Variants in SLC40A1 observed in about 807,000 individuals in gnomAD.
SLC40A1 encodes the protein solute carrier family 40 member 1.
SLC40A1 carries 16 observed loss-of-function variants against 53.5 expected under a neutral mutation model. The observed-to-expected ratio is 0.30, with a 90% CI of 0.20 to 0.45. The LOEUF (loss-of-function observed/expected upper bound fraction) is 0.45. Ranked by LOEUF, SLC40A1 falls within the 20% of genes least tolerant of loss-of-function variation. The pLI, the probability that SLC40A1 is intolerant of heterozygous loss-of-function variation, is 1.00. For synonymous variants in SLC40A1, 247 were observed against 253.2 expected (o/e 0.98, Z 0.23); for missense variants, 545 against 695.4 (o/e 0.78, Z 2.43).
chr2:189,569,431 G>A lies in SLC40A1; in HGVS notation c.514+2284C>T, dbSNP rs551696614. Among the ~76,000 whole-genome samples the A allele has an allele frequency of 6.0e-4, 92 of 152,348 alleles. 2 individuals carry two copies. In the South Asian group the frequency reaches 0.017, roughly 28 times the overall value. The stretch of plus-strand genomic sequence containing the variant: ...CTTCCTGCCTGGAGTAGGTGGGTCT[G>A]TGTATAAGAGACACAACCTCATAGG... On this transcript the variant is annotated intron_variant, in intron 5 of 7. Coordinates refer to ENST00000261024, the MANE Select transcript of SLC40A1 (RefSeq NM_014585.6).
At chr2:189,570,137 T>C (rs2031082739) in intron 5 of SLC40A1, among the ~76,000 whole-genome samples, 1 of 151,616 alleles carries the variant, frequency 6.6e-6, no homozygotes, top group African/African-American at 2.4e-5. Context: ...TGTGTATATA[T>C]ATATCTTAGG....
chr2:189,562,869 T>C (rs2030798500), intron 7 of SLC40A1, among the ~76,000 whole-genome samples: 1 of 152,162 alleles, frequency 6.6e-6, no homozygotes, highest in African/African-American at 2.4e-5. Flanking sequence ...TGAAGGATTT[T>C]TTTTATCACT....
intron 3 of SLC40A1, 41 bp from the exon 4 acceptor site, chr2:189,573,002 G>T: frequency 7.7e-7 from 1 of 1,299,640 alleles, no homozygotes; most frequent in Non-Finnish European, 1.1e-6. Flanking sequence ...ACATCAAAAT[G>T]TCTCAGTGAG....
rs2030752271 is a variant in SLC40A1, at chr2:189,561,933, C to T, written c.1661G>A (p.Gly554Asp). 1 of 1,614,108 alleles carries T rather than the reference C, an allele frequency of 6.2e-7. No individual in the cohort carries two copies. The highest frequency in any genetic ancestry group is 8.5e-7 in the Non-Finnish European group (1 of 1,180,008). ...NTLGNKLFACGPDAKEVRKEN... is the reference protein window; with the variant it reads ...NTLGNKLFACDPDAKEVRKEN... ...CTTCCTAACTTCTTTTGCATCAGGA[C>T]CGCAAGCAAAGAGCTTGTTTCCCAG... Residue 554 changes from glycine to aspartate, a missense_variant, in exon 8 of 8, where the codon GGT becomes GAT. Around this residue, in one of 4 missense-constraint regions of SLC40A1, gnomAD observed 234 missense variants for 299.0 expected, o/e 0.78. Transcript: ENST00000261024.
At chr2:189,574,467 C>T (rs188858393) in intron 3 of SLC40A1, among the ~76,000 whole-genome samples, 8 of 152,260 alleles carry the variant, frequency 5.3e-5, no homozygotes, top group Admixed American at 5.2e-4. Context: ...TTGCCAACAT[C>T]TAAGTCAGGC....
intron 2 of SLC40A1, among the ~76,000 whole-genome samples, 155 bp downstream of exon 2, chr2:189,579,658 G>C (rs973934856): frequency 6.6e-6 from 1 of 152,270 alleles, no homozygotes; most frequent in East Asian, 1.9e-4. Context: ...AAAGATCTTC[G>C]ATGTAAATAA....
chr2:189,568,580 T>C (rs1410103592), intron 5 of SLC40A1, among the ~76,000 whole-genome samples: 3 of 152,370 alleles, frequency 2.0e-5, no homozygotes, highest in South Asian at 2.1e-4. Flanking sequence ...TACCAATTTA[T>C]ATTTAGTCTT....
intron 6 of SLC40A1, among the ~76,000 whole-genome samples, chr2:189,564,554 G>A (rs148707355): frequency 2.0e-4 from 30 of 151,988 alleles, no homozygotes; most frequent in East Asian, 7.8e-4. Flanking sequence ...AAAACACAGC[G>A]TATTGGCCAG....
In SLC40A1 at chr2:189,563,685, T is replaced by C. The variant is rs754545527; in HGVS notation, c.1301A>G (p.Asn434Ser). ...PEITTEIYMS[N>S]GSNSANIVPE... ...GACAATATTAGCAGAATTAGACCCA[T>C]TAGACATGTATATTTCAGTTGTAAT... The change falls in exon 7 of 8, where the codon AAT (asparagine) becomes AGT (serine). Residue 434 changes from asparagine to serine, a missense_variant. Transcript: ENST00000261024. 2 of 1,614,062 alleles carry C rather than the reference T, an allele frequency of 1.2e-6. No individual in the cohort carries two copies. The highest frequency in any genetic ancestry group is 2.2e-5 in the South Asian group (2 of 91,086).
rs2105618382 is a variant in SLC40A1 at position 189,561,754 on chromosome 2, T to C, written c.*124A>G. 1 of 829,980 alleles carries C rather than the reference T, an allele frequency of 1.2e-6. No homozygotes were observed. Among genetic ancestry groups the C allele is most frequent in the Non-Finnish European group, 2.0e-6 (1 of 508,292 alleles). The allele number at this position is 829,980 out of a possible 1,614,324, so 51.4% of individuals were successfully genotyped here. Reference sequence around the variant, plus strand: ...TTAGGTTTCCTAAACAGCTTTTAGTTCTCAAGGCACAGCTGTGGTAAAAAC... The same window carrying C: ...TTAGGTTTCCTAAACAGCTTTTAGTCCTCAAGGCACAGCTGTGGTAAAAAC... On this transcript the variant is annotated 3_prime_UTR_variant, in exon 8 of 8. Transcript: ENST00000261024.
chr2:189,564,581 C>T (rs1363038682), intron 6 of SLC40A1, among the ~76,000 whole-genome samples: 4 of 152,104 alleles, frequency 2.6e-5, no homozygotes, highest in African/African-American at 7.2e-5. Flanking sequence ...TGGCTCACAC[C>T]TGTAATCCCA....
At position 189,580,728 on chromosome 2, in the gene SLC40A1, G is replaced by A; in HGVS notation, c.-268C>T. On this transcript the variant is annotated 5_prime_UTR_variant, in exon 1 of 8. Coordinates refer to ENST00000261024, the MANE Select transcript of SLC40A1 (RefSeq NM_014585.6). ...TTATGGAAGCGGTTTGGGAGGCTCA[G>A]CAGGTCGTCCGAGCCTAGCGGACGC... The A allele has an allele frequency of 7.3e-7, 1 of 1,374,552 alleles. No individual in the cohort carries two copies. The highest frequency in any genetic ancestry group is 9.4e-7 in the Non-Finnish European group (1 of 1,063,014). The allele number at this position is 1,374,552 out of a possible 1,614,324, so 85.1% of individuals were successfully genotyped here. A position where few individuals can be genotyped will look rare whatever the true frequency, so the allele number is the denominator to read the frequency against.
rs200982250 is a variant in SLC40A1 at position 189,562,097 on chromosome 2, C to T, written c.1497G>A (p.Met499Ile). 6.2e-7 allele frequency: 1 copy of T among 1,613,798 alleles called. No homozygotes were observed. The highest frequency in any genetic ancestry group is 2.2e-5 in the East Asian group (1 of 44,862). The change falls in exon 8 of 8, where the codon ATG becomes ATA. Residue 499 changes from methionine to isoleucine, a missense_variant. Transcript: ENST00000261024. ...RGIINGVQNS[M>I]NYLLDLLHFI... ...AATGCAGAAGATCAAGAAGATAGTT[C>T]ATGGAGTTCTGTACACCATTTATAA...
rs368420430 is a variant in SLC40A1 at position 189,564,177 on chromosome 2, T to G, written c.809A>C (p.Asp270Ala). 4 of 1,613,200 alleles carry G rather than the reference T, an allele frequency of 2.5e-6. No homozygotes were observed. In the Admixed American group the frequency reaches 6.7e-5, roughly 27 times the overall value. The change falls in exon 7 of 8, where the codon GAC (aspartate) becomes GCC (alanine). Residue 270 changes from aspartate (D) to alanine (A), a missense_variant. Asp to Ala is a moderately radical substitution (Grantham distance 126). Coordinates refer to ENST00000261024, the MANE Select transcript of SLC40A1 (RefSeq NM_014585.6). ...ATGTTCAAGCTCATGGATGTTAGAG[T>G]CTTTCACACCCATTAGATGAGTTCC... ...LEGTHLMGVK[D>A]SNIHELEHEQ...
intron 2 of SLC40A1, among the ~76,000 whole-genome samples, chr2:189,578,859 T>C (rs1218353373): frequency 2.0e-5 from 3 of 152,226 alleles, no homozygotes; most frequent in Non-Finnish European, 4.4e-5. Context: ...CTCAAAGGTA[T>C]TGGGTATAGA....
At chr2:189,577,615 C>CT (rs11419650) in intron 2 of SLC40A1, among the ~76,000 whole-genome samples, 89,259 of 133,440 alleles carry the variant, frequency 0.67, 30,148 homozygotes, top group East Asian at 0.89. Flanking sequence ...ATAGTATCCA[C>CT]TTTTTTTTTT....
intron 2 of SLC40A1, 77 bp downstream of exon 2, chr2:189,579,736 G>A: frequency 1.6e-6 from 2 of 1,275,624 alleles, no homozygotes; most frequent in Admixed American, 3.4e-5. Flanking sequence ...CTGGAAGTTG[G>A]CTTAATACAA....
At chr2:189,562,933 G>C (rs1284923395) in intron 7 of SLC40A1, among the ~76,000 whole-genome samples, 1 of 151,708 alleles carries the variant, frequency 6.6e-6, no homozygotes, top group African/African-American at 2.4e-5. Flanking sequence ...TGTCCTATGG[G>C]AATATTTTCT....
intron 2 of SLC40A1, chr2:189,578,187 C>T: frequency 1.0e-6 from 1 of 984,424 alleles, no homozygotes; most frequent in Non-Finnish European, 1.2e-6. Flanking sequence ...CAGAGTGCCA[C>T]ACAAGAGAAA....
Sources: gnomAD v4.1 joint callset for allele counts (sites outside exome capture counted in the v4.1 genomes callset) on GRCh38, gnomAD v4.1.1 for gene constraint, gnomAD v4.1.1 regional missense constraint, MANE v1.5 for transcripts, NCBI Gene and HGNC (gene_info 2026-07-23, HGNC 2026-07-21) for gene names.